CDH18: variants seen among roughly 807,000 people sequenced by gnomAD.
The protein encoded by CDH18 is cadherin 18.
CDH18 carries 31 observed loss-of-function variants against 67.9 expected under a neutral mutation model. That is an observed-to-expected ratio of 0.46 (90% CI 0.34 to 0.62). The LOEUF (loss-of-function observed/expected upper bound fraction) is 0.62. CDH18 is among the 20% of genes least tolerant of loss of function. The probability of loss-of-function intolerance (pLI) is 0.01; values close to 1 mark genes in which losing one functional copy is unlikely to be tolerated. For missense variants in CDH18, 890 were observed against 975.5 expected (o/e 0.91, Z 1.17); for synonymous variants, 362 against 347.2 (o/e 1.04, Z -0.48).
chr5:20,257,173 T>G (rs1256257194), intron 1 of CDH18, among the ~76,000 whole-genome samples: 1 of 152,080 alleles, frequency 6.6e-6, no homozygotes, highest in African/African-American at 2.4e-5. Flanking sequence ...ATTTCCAAGT[T>G]TAATTCCAGG....
chr5:20,106,634 T>G (rs1471864386), intron 2 of CDH18, among the ~76,000 whole-genome samples: 1 of 152,216 alleles, frequency 6.6e-6, no homozygotes, highest in Non-Finnish European at 1.5e-5. Flanking sequence ...TGGAAACAAC[T>G]TGTAATACCT....
rs1025630942 is a variant in CDH18, at chr5:20,510,530, G to GA, written c.-580+64931dup. Among the ~76,000 whole-genome samples, 20 of 151,968 alleles carry GA rather than the reference G, an allele frequency of 1.3e-4. 1 individual carries two copies. Among genetic ancestry groups the GA allele is most frequent in the African/African-American group, 4.6e-4 (19 of 41,356 alleles). Reference sequence around the variant, plus strand: ...TTTAAAGATTTTCTTTGATGCGATTGAAAATCTGACTCCCATAATCTCACC... The same window carrying GA: ...TTTAAAGATTTTCTTTGATGCGATTGAAAAATCTGACTCCCATAATCTCACC... On this transcript the variant is annotated intron_variant, in intron 1 of 14. Coordinates refer to the CDH18 transcript ENST00000507958.
intron 1 of CDH18, among the ~76,000 whole-genome samples, chr5:20,547,941 G>A (rs1581183688): frequency 6.6e-6 from 1 of 151,772 alleles, no homozygotes; most frequent in Non-Finnish European, 1.5e-5. Flanking sequence ...CTCTCAGTTT[G>A]AATATAGGTA....
Position 19,797,137 on chromosome 5 carries a change from T to TA in CDH18, c.228+41621dup, listed in dbSNP as rs199685999. Among the ~76,000 whole-genome samples, 1,304 of 152,034 alleles carry TA rather than the reference T, an allele frequency of 8.6e-3. 19 individuals are homozygous for TA. The highest frequency in any genetic ancestry group is 0.029 in the African/African-American group (1,222 of 41,524). ...TTACTATCCAACTGTATGCTGCTTTTAAAAAAATTACTTCAAATTCAATGA... is the reference window on the plus strand; with the variant it reads ...TTACTATCCAACTGTATGCTGCTTTTAAAAAAAATTACTTCAAATTCAATGA... On this transcript the variant is annotated intron_variant, in intron 3 of 12. Transcript: ENST00000382275.
rs1737683360 is a variant in CDH18, at chr5:19,471,927, G to A, written c.*1299C>T. Among the ~76,000 whole-genome samples, 1 of 152,156 alleles carries A rather than the reference G, an allele frequency of 6.6e-6. No homozygotes were observed. The highest frequency in any genetic ancestry group is 2.1e-4 in the South Asian group (1 of 4,834). ...TTTGCAGTTGGCAAAGCATTTTACA[G>A]ATGCTCATTTAATCCTCACAACAAC... On this transcript the variant is annotated 3_prime_UTR_variant, in exon 13 of 13. Transcript: ENST00000382275.
intron 2 of CDH18, among the ~76,000 whole-genome samples, chr5:19,914,560 A>T (rs920111134): frequency 1.3e-5 from 2 of 152,062 alleles, no homozygotes; most frequent in African/African-American, 2.4e-5. Context: ...CTCTCTTTAC[A>T]TATATGTATG....
At chr5:19,736,527 T>A (rs1336823849) in intron 4 of CDH18, among the ~76,000 whole-genome samples, 1 of 152,294 alleles carries the variant, frequency 6.6e-6, no homozygotes, top group African/African-American at 2.4e-5. Context: ...ATTAAAGTAA[T>A]AGATGTTTAA....
intron 12 of CDH18, among the ~76,000 whole-genome samples, chr5:19,475,294 T>G (rs1738258425): frequency 6.6e-6 from 1 of 151,556 alleles, no homozygotes; most frequent in Non-Finnish European, 1.5e-5. Flanking sequence ...CAAAAATGCA[T>G]TTGATACACA....
chr5:19,959,372 T>A (rs1796575758), intron 2 of CDH18, among the ~76,000 whole-genome samples: 2 of 152,056 alleles, frequency 1.3e-5, no homozygotes, highest in Admixed American at 1.3e-4. Context: ...TATGGGAATT[T>A]TAAAAAATGC....
chr5:19,951,582 A>G (rs866236491), intron 2 of CDH18, among the ~76,000 whole-genome samples: 92 of 152,192 alleles, frequency 6.0e-4, no homozygotes, highest in Admixed American at 3.3e-3. Flanking sequence ...CTCTGATGTC[A>G]TAAAACTGAG....
At chr5:19,960,106 T>C (rs899037680) in intron 2 of CDH18, among the ~76,000 whole-genome samples, 6 of 152,086 alleles carry the variant, frequency 3.9e-5, no homozygotes, top group Admixed American at 3.3e-4. Context: ...TTATAAACAC[T>C]GTATACTTAG....
chr5:19,536,857 C>T (rs1749498361), intron 9 of CDH18, among the ~76,000 whole-genome samples: 1 of 152,068 alleles, frequency 6.6e-6, no homozygotes. Context: ...AGACCTTCTC[C>T]AGGAAAAAAT....
chr5:20,391,413 A>G (rs1366051147), intron 1 of CDH18, among the ~76,000 whole-genome samples: 1 of 152,066 alleles, frequency 6.6e-6, no homozygotes, highest in East Asian at 1.9e-4. Flanking sequence ...TAAAGATAAA[A>G]ATGAATCAAT....
At chr5:19,994,855 T>G (rs7716314) in intron 2 of CDH18, among the ~76,000 whole-genome samples, 35,922 of 67,328 alleles carry the variant, frequency 0.53, 11,397 homozygotes, top group Middle Eastern at 0.66. Flanking sequence ...TATATATATA[T>G]AGAGAGAGAG....
intron 1 of CDH18, among the ~76,000 whole-genome samples, chr5:20,270,534 G>A (rs551566437): frequency 6.6e-6 from 1 of 152,262 alleles, no homozygotes; most frequent in Admixed American, 6.5e-5. Flanking sequence ...CACTGTTGGT[G>A]GGAGTGTAAA....
chr5:19,898,678 A>G (rs1006085828), intron 2 of CDH18, among the ~76,000 whole-genome samples: 7 of 152,092 alleles, frequency 4.6e-5, no homozygotes, highest in African/African-American at 1.7e-4. Context: ...ACTAAGTGAA[A>G]CAGCAGATTA....
At chr5:19,796,096 T>C (rs1776824542) in intron 3 of CDH18, among the ~76,000 whole-genome samples, 1 of 151,986 alleles carries the variant, frequency 6.6e-6, no homozygotes, top group South Asian at 2.1e-4. Context: ...AAAGGTCCAA[T>C]ATTTCTGTTA....
chr5:20,207,929 T>C (rs779723096), intron 2 of CDH18, among the ~76,000 whole-genome samples: 1 of 151,992 alleles, frequency 6.6e-6, no homozygotes, highest in Non-Finnish European at 1.5e-5. Flanking sequence ...TGAAAACCTA[T>C]AGTAATGAAA....
At chr5:20,132,772 A>G (rs1038779014) in intron 2 of CDH18, among the ~76,000 whole-genome samples, 4 of 152,186 alleles carry the variant, frequency 2.6e-5, no homozygotes, top group Non-Finnish European at 1.5e-5. Context: ...CTCTTGTGAT[A>G]TTACTGTTGG....
Sources: gnomAD v4.1 joint callset for allele counts (sites outside exome capture counted in the v4.1 genomes callset) on GRCh38, gnomAD v4.1.1 for gene constraint, MANE v1.5 for transcripts, NCBI Gene and HGNC (gene_info 2026-07-23, HGNC 2026-07-21) for gene names.